MMP24: variants seen among roughly 807,000 people sequenced by gnomAD.
MMP24 encodes matrix metalloproteinase-24.
In MMP24, 25 loss-of-function variants were observed where a neutral mutation model predicts 62.8. The observed-to-expected ratio is 0.40, with a 90% confidence interval of 0.29 to 0.56. MMP24 has a LOEUF of 0.56. Ranked by LOEUF, MMP24 falls within the 20% of genes least tolerant of loss-of-function variation. The pLI is 0.50. For missense variants in MMP24, 634 were observed against 853.6 expected (o/e 0.74, Z 3.21); for synonymous variants, 319 against 350.5 (o/e 0.91, Z 1.00).
chr20:35,265,275 T>C (rs1230593157), intron 5 of MMP24, among the ~76,000 whole-genome samples: 3 of 152,132 alleles, frequency 2.0e-5, no homozygotes, highest in Non-Finnish European at 4.4e-5. Flanking sequence ...ACCCTGTCTC[T>C]ACTAAAAATA....
At chr20:35,264,018 T>G (rs894962593) in intron 5 of MMP24, 66 bp downstream of exon 5, 43 of 1,492,454 alleles carry the variant, frequency 2.9e-5, no homozygotes, top group Non-Finnish European at 3.9e-5. Context: ...CTACCTGTCA[T>G]GGGGCAGGGG....
chr20:35,247,053 C>A, intron 2 of MMP24, 65 bp downstream of exon 2: 1 of 1,584,068 alleles, frequency 6.3e-7, no homozygotes, highest in South Asian at 1.1e-5. Context: ...TCACATTTGT[C>A]ATGGCCTGTG....
chr20:35,267,751 A>C, intron 6 of MMP24: 1 of 366,620 alleles, frequency 2.7e-6, no homozygotes, highest in Non-Finnish European at 5.1e-6. Flanking sequence ...TCCTCTAACA[A>C]AGAGTGTGTG....
intron 5 of MMP24, 66 bp downstream of exon 5, chr20:35,264,018 TG>T: frequency 6.7e-7 from 1 of 1,492,572 alleles, no homozygotes; most frequent in Non-Finnish European, 9.0e-7. Context: ...CTACCTGTCA[TG>T]GGGCAGGGGA....
intron 4 of MMP24, among the ~76,000 whole-genome samples, chr20:35,259,795 A>G (rs1157848162): frequency 6.6e-6 from 1 of 152,160 alleles, no homozygotes; most frequent in Non-Finnish European, 1.5e-5. Context: ...AGGGACTTAC[A>G]GGAACACACC....
chr20:35,237,149 G>A (rs141998505), intron 1 of MMP24, among the ~76,000 whole-genome samples: 212 of 152,262 alleles, frequency 1.4e-3, no homozygotes, highest in Middle Eastern at 3.4e-3. Flanking sequence ...TCTTGCTGCT[G>A]TAACAAATTA....
chr20:35,274,481 G>T lies in MMP24; in HGVS notation c.1810G>T (p.Ala604Ser), dbSNP rs777054255. Reference protein sequence around the residue: ...NDVPGSVNAVAVVIPCILSLC... With the variant: ...NDVPGSVNAVSVVIPCILSLC... ...TGTGCCGGGCTCCGTGAACGCCGTG[G>T]CCGTGGTCATCCCCTGCATCCTGTC... is the stretch of plus-strand genomic sequence containing the variant. Residue 604 changes from alanine (A) to serine (S), a missense_variant, in exon 9 of 9, where the codon GCC becomes TCC. This residue lies in a region of MMP24 where 399 missense variants were observed against 530.8 expected (regional missense o/e 0.75). Coordinates refer to ENST00000246186, the MANE Select transcript of MMP24 (RefSeq NM_006690.4). This position sits in a 1 kb window ranked among gnomAD's most constrained non-coding sequence, Gnocchi z 5.1. The T allele has an allele frequency of 7.4e-6, 12 of 1,614,030 alleles. No homozygotes were observed. Among genetic ancestry groups the T allele is most frequent in the Non-Finnish European group, 9.3e-6 (11 of 1,179,892 alleles).
chr20:35,256,714 CAAAAAAAAAAAAAA>C (rs74173944), intron 4 of MMP24, among the ~76,000 whole-genome samples: 827 of 39,736 alleles, frequency 0.021, 22 homozygotes, highest in African/African-American at 0.04. Flanking sequence ...GATTCCGTCT[CAAAAAAAAAAAAAA>C]AAAAAAAAAA....
At chr20:35,230,072 C>T (rs1422204935) in intron 1 of MMP24, among the ~76,000 whole-genome samples, 1 of 152,128 alleles carries the variant, frequency 6.6e-6, no homozygotes, top group African/African-American at 2.4e-5. Flanking sequence ...TCACTGCAAC[C>T]TCCGCCTCCC....
chr20:35,239,049 A>ATT (rs559984259), intron 1 of MMP24, among the ~76,000 whole-genome samples: 17 of 133,252 alleles, frequency 1.3e-4, no homozygotes, highest in East Asian at 1.1e-3. Flanking sequence ...ACTTTTTTCA[A>ATT]TTTTTTTTTT....
At chr20:35,256,987 C>G (rs1454468822) in intron 4 of MMP24, among the ~76,000 whole-genome samples, 1 of 152,164 alleles carries the variant, frequency 6.6e-6, no homozygotes, top group Non-Finnish European at 1.5e-5. Context: ...CTCTTGAGCT[C>G]AAACAAGCTT....
intron 1 of MMP24, among the ~76,000 whole-genome samples, chr20:35,236,881 G>A (rs960123210): frequency 2.0e-5 from 3 of 151,310 alleles, no homozygotes; most frequent in African/African-American, 4.9e-5. Context: ...GGCTGAGGCA[G>A]GAGAATCACT....
intron 4 of MMP24, among the ~76,000 whole-genome samples, chr20:35,255,765 C>T (rs925551664): frequency 1.3e-5 from 2 of 152,304 alleles, no homozygotes; most frequent in East Asian, 3.9e-4. Context: ...GTGATACCCT[C>T]GGTCTCCTCG....
chr20:35,252,744 G>A (rs558094335), intron 3 of MMP24, among the ~76,000 whole-genome samples: 4 of 152,376 alleles, frequency 2.6e-5, no homozygotes, highest in Non-Finnish European at 4.4e-5. Context: ...CTGAAGCACC[G>A]GAGTGAGGCT....
intron 1 of MMP24, among the ~76,000 whole-genome samples, chr20:35,239,976 T>TG (rs1159058322): frequency 6.6e-6 from 1 of 152,162 alleles, no homozygotes; most frequent in African/African-American, 2.4e-5. Context: ...GATAAGGCAT[T>TG]GCACTCCAGG....
At chr20:35,249,431 G>GA (rs748311244) in intron 2 of MMP24, among the ~76,000 whole-genome samples, 13 of 152,118 alleles carry the variant, frequency 8.5e-5, no homozygotes, top group Non-Finnish European at 1.6e-4. Flanking sequence ...GCACTGACAG[G>GA]AAAAAATAAA....
At chr20:35,248,529 A>C (rs1463802472) in intron 2 of MMP24, among the ~76,000 whole-genome samples, 1 of 152,058 alleles carries the variant, frequency 6.6e-6, no homozygotes, top group Non-Finnish European at 1.5e-5. Flanking sequence ...GCTGGTCTCG[A>C]ACTCCTGACC....
chr20:35,228,907 G>A (rs768131697), intron 1 of MMP24, among the ~76,000 whole-genome samples: 16 of 152,068 alleles, frequency 1.1e-4, no homozygotes, highest in Non-Finnish European at 2.4e-4. Context: ...AGGACCCTAC[G>A]GTTTTGCATA....
intron 2 of MMP24, among the ~76,000 whole-genome samples, chr20:35,249,729 C>T (rs547269708): frequency 4.0e-5 from 6 of 151,876 alleles, no homozygotes; most frequent in Admixed American, 3.9e-4. Context: ...GCTGGGACTA[C>T]AGGGGCCCGC....
Sources: allele counts gnomAD v4.1 joint callset (sites outside exome capture counted in the v4.1 genomes callset), GRCh38; gene constraint gnomAD v4.1.1; regional missense constraint gnomAD v4.1.1; non-coding constraint Gnocchi (gnomAD v3.1); transcripts MANE v1.5; gene names NCBI Gene and HGNC (gene_info 2026-07-23, HGNC 2026-07-21).